Variants in FHIT observed in about 807,000 individuals in gnomAD.
The protein encoded by FHIT is bis(5'-adenosyl)-triphosphatase.
In FHIT, 19 loss-of-function variants were observed where a neutral mutation model predicts 17.9. The observed-to-expected ratio is 1.06, with a 90% confidence interval of 0.74 to 1.56. FHIT has a LOEUF of 1.56. Ranked by LOEUF, FHIT falls within the 40% of genes most tolerant of loss-of-function variation. The pLI is 0.00. For synonymous variants in FHIT, 81 were observed against 69.7 expected (o/e 1.16, Z -0.81); for missense variants, 248 against 189.2 (o/e 1.31, Z -1.82).
intron 3 of FHIT, among the ~76,000 whole-genome samples, chr3:60,957,237 T>TC (rs1364078785): frequency 7.0e-6 from 1 of 143,622 alleles, no homozygotes; most frequent in Non-Finnish European, 1.5e-5. Flanking sequence ...TTCTTTCTTT[T>TC]TTTTTTTTTT....
intron 5 of FHIT, among the ~76,000 whole-genome samples, chr3:60,089,390 T>G (rs1283363917): frequency 6.6e-6 from 1 of 152,190 alleles, no homozygotes; most frequent in African/African-American, 2.4e-5. Context: ...CATGATTCCC[T>G]GTCCATTGTT....
intron 5 of FHIT, among the ~76,000 whole-genome samples, chr3:60,245,545 C>T (rs977139900): frequency 2.0e-5 from 3 of 151,944 alleles, no homozygotes; most frequent in Admixed American, 1.3e-4. Flanking sequence ...AATTTCATTA[C>T]AAAATTATTT....
intron 3 of FHIT, among the ~76,000 whole-genome samples, chr3:60,958,441 A>G (rs1709270208): frequency 6.6e-6 from 1 of 152,252 alleles, no homozygotes. Context: ...AAATGAAATA[A>G]GCTAAAAATA....
At chr3:60,118,390 G>A (rs1576138891) in intron 5 of FHIT, among the ~76,000 whole-genome samples, 1 of 151,420 alleles carries the variant, frequency 6.6e-6, no homozygotes, top group South Asian at 2.1e-4. Context: ...TTATACGTGT[G>A]AGCCACTGCA....
chr3:60,112,629 CT>C (rs569343810), intron 5 of FHIT, among the ~76,000 whole-genome samples: 1 of 152,092 alleles, frequency 6.6e-6, no homozygotes, highest in Admixed American at 6.6e-5. Flanking sequence ...TTGGAGAAGA[CT>C]TTTTTTGAAG....
At chr3:60,380,444 A>G (rs895157151) in intron 5 of FHIT, among the ~76,000 whole-genome samples, 3 of 152,160 alleles carry the variant, frequency 2.0e-5, no homozygotes, top group Non-Finnish European at 4.4e-5. Context: ...TTTTCATTAT[A>G]AATTACCTAG....
intron 5 of FHIT, among the ~76,000 whole-genome samples, chr3:60,212,822 G>T (rs1370435290): frequency 1.3e-5 from 2 of 152,152 alleles, no homozygotes; most frequent in South Asian, 2.1e-4. Context: ...CAAAGAAAAA[G>T]GACATGGCGG....
At chr3:60,878,989 C>CT (rs1232428775) in intron 3 of FHIT, among the ~76,000 whole-genome samples, 2 of 152,102 alleles carry the variant, frequency 1.3e-5, no homozygotes, top group African/African-American at 2.4e-5. Flanking sequence ...ATTTATAATC[C>CT]TTTGAGTATA....
intron 5 of FHIT, among the ~76,000 whole-genome samples, chr3:60,073,196 G>A (rs888870939): frequency 3.9e-5 from 6 of 152,244 alleles, no homozygotes; most frequent in African/African-American, 1.4e-4. Flanking sequence ...CCCATATGAT[G>A]TTTAAAAATA....
At chr3:61,187,510 C>G (rs981604204) in intron 2 of FHIT, among the ~76,000 whole-genome samples, 1 of 152,110 alleles carries the variant, frequency 6.6e-6, no homozygotes, top group East Asian at 1.9e-4. Context: ...CTGTCAACAT[C>G]ACACAGATCA....
intron 8 of FHIT, among the ~76,000 whole-genome samples, chr3:59,895,767 T>C (rs74525819): frequency 0.011 from 1,680 of 152,352 alleles, 38 homozygotes; most frequent in African/African-American, 0.037. Context: ...TATGTCCTGT[T>C]AAAGGCGTTA....
intron 1 of FHIT, among the ~76,000 whole-genome samples, chr3:61,211,589 C>T: frequency 6.6e-6 from 1 of 152,202 alleles, no homozygotes; most frequent in Non-Finnish European, 1.5e-5. Flanking sequence ...CACAGACAAA[C>T]AAAAAGACAG....
chr3:61,065,258 A>G (rs981581247), intron 2 of FHIT, among the ~76,000 whole-genome samples: 8 of 127,940 alleles, frequency 6.3e-5, no homozygotes, highest in African/African-American at 2.5e-4. Flanking sequence ...CTATCTCACG[A>G]GTCATTTTCA....
chr3:60,594,105 A>G (rs1370077682), intron 4 of FHIT, among the ~76,000 whole-genome samples: 3 of 152,178 alleles, frequency 2.0e-5, no homozygotes, highest in East Asian at 3.9e-4. Flanking sequence ...AGAAAAGTTA[A>G]CACCTATAAA....
At chr3:61,143,856 A>T (rs1015455505) in intron 2 of FHIT, among the ~76,000 whole-genome samples, 1 of 152,088 alleles carries the variant, frequency 6.6e-6, no homozygotes, top group Non-Finnish European at 1.5e-5. Context: ...ACAGAGCAAG[A>T]CTCTGTCTAA....
chr3:60,561,567 C>T (rs1435602144), intron 4 of FHIT, among the ~76,000 whole-genome samples: 1 of 151,904 alleles, frequency 6.6e-6, no homozygotes, highest in Non-Finnish European at 1.5e-5. Context: ...GGTGAATAGC[C>T]CAATTCTTCT....
At chr3:60,554,955 C>G (rs367617395) in intron 4 of FHIT, among the ~76,000 whole-genome samples, 1 of 152,142 alleles carries the variant, frequency 6.6e-6, no homozygotes, top group African/African-American at 2.4e-5. Flanking sequence ...TATAGACTTA[C>G]TCCTATTTTA....
intron 5 of FHIT, among the ~76,000 whole-genome samples, chr3:60,075,893 T>G (rs994446300): frequency 2.0e-5 from 3 of 152,108 alleles, no homozygotes; most frequent in Admixed American, 2.0e-4. Flanking sequence ...TTTTTGATCT[T>G]AAGATGGCTT....
At chr3:60,514,997 G>C (rs1397779439) in intron 5 of FHIT, among the ~76,000 whole-genome samples, 1 of 151,728 alleles carries the variant, frequency 6.6e-6, no homozygotes, top group Non-Finnish European at 1.5e-5. Context: ...TAGATAAAAT[G>C]CAGCTGGTTA....
Sources: gnomAD v4.1 joint callset for allele counts (sites outside exome capture counted in the v4.1 genomes callset) on GRCh38, gnomAD v4.1.1 for gene constraint, MANE v1.5 for transcripts, NCBI Gene and HGNC (gene_info 2026-07-23, HGNC 2026-07-21) for gene names.